Variants in UMAD1 observed in about 807,000 individuals in gnomAD.
UMAD1 encodes the protein UBAP1-MVB12-associated (UMA)-domain containing protein 1.
In UMAD1, 8 loss-of-function variants were observed where a neutral mutation model predicts 6.1. The ratio of observed to expected loss-of-function variants is 1.30; its 90% CI spans 0.76 to 2.35. The LOEUF (loss-of-function observed/expected upper bound fraction) is 2.35. Ranked by LOEUF, UMAD1 falls within the 30% of genes most tolerant of loss-of-function variation. The pLI, the probability that UMAD1 is intolerant of heterozygous loss-of-function variation, is 0.00. For synonymous variants in UMAD1, 56 were observed against 31.4 expected (o/e 1.78, Z -2.61); for missense variants, 130 against 78.4 (o/e 1.66, Z -2.49).
At chr7:7,839,744 G>C (rs1020063878) in intron 3 of UMAD1, among the ~76,000 whole-genome samples, 2 of 152,182 alleles carry the variant, frequency 1.3e-5, no homozygotes, top group Non-Finnish European at 2.9e-5. Context: ...GGGTCAAGTT[G>C]ACAAGTTTAA....
intron 3 of UMAD1, among the ~76,000 whole-genome samples, chr7:7,833,415 G>T (rs1241413743): frequency 6.6e-6 from 1 of 152,076 alleles, no homozygotes; most frequent in African/African-American, 2.4e-5. Context: ...CACCGAGGGG[G>T]ATTCAGAGAT....
intron 1 of UMAD1, among the ~76,000 whole-genome samples, chr7:7,649,694 G>GCC: frequency 6.6e-6 from 1 of 151,280 alleles, no homozygotes; most frequent in African/African-American, 2.4e-5. Flanking sequence ...TGGTGGGGGG[G>GCC]CCCACCCTAC....
chr7:7,780,684 T>C (rs894134024), intron 2 of UMAD1, among the ~76,000 whole-genome samples: 2 of 152,224 alleles, frequency 1.3e-5, no homozygotes, highest in Non-Finnish European at 2.9e-5. Flanking sequence ...TTGTTTTACA[T>C]ATATGAAATG....
intron 2 of UMAD1, among the ~76,000 whole-genome samples, chr7:7,746,843 C>T (rs1441032519): frequency 6.6e-6 from 1 of 152,152 alleles, no homozygotes; most frequent in Non-Finnish European, 1.5e-5. Flanking sequence ...TTGGCTTTGA[C>T]ACAGTTTACA....
intron 2 of UMAD1, among the ~76,000 whole-genome samples, chr7:7,687,490 C>T (rs1167801337): frequency 6.6e-6 from 1 of 152,200 alleles, no homozygotes; most frequent in Non-Finnish European, 1.5e-5. Flanking sequence ...GAATGGTGTG[C>T]ACCCTGCCAG....
chr7:7,694,927 G>A (rs985924909), intron 2 of UMAD1, among the ~76,000 whole-genome samples: 2 of 152,086 alleles, frequency 1.3e-5, no homozygotes, highest in Non-Finnish European at 2.9e-5. Context: ...TGGATCATAC[G>A]GTAGTTCTAT....
intron 3 of UMAD1, among the ~76,000 whole-genome samples, chr7:7,826,857 A>G (rs1248889532): frequency 6.6e-6 from 1 of 152,194 alleles, no homozygotes. Context: ...GTCCACCAAT[A>G]CACAACTACT....
intron 1 of UMAD1, among the ~76,000 whole-genome samples, chr7:7,661,552 C>T (rs1785474412): frequency 6.6e-6 from 1 of 152,174 alleles, no homozygotes; most frequent in African/African-American, 2.4e-5. Context: ...AGTTTTCCTT[C>T]TGACAGGCCC....
intron 3 of UMAD1, among the ~76,000 whole-genome samples, chr7:7,842,548 G>A (rs1040964636): frequency 8.6e-5 from 13 of 151,636 alleles, no homozygotes; most frequent in African/African-American, 3.2e-4. Flanking sequence ...TGTATTTTCT[G>A]ATAACCTGTG....
At chr7:7,744,962 TC>T (rs1238235809) in intron 2 of UMAD1, among the ~76,000 whole-genome samples, 4 of 152,094 alleles carry the variant, frequency 2.6e-5, no homozygotes, top group Non-Finnish European at 4.4e-5. Flanking sequence ...AAGTTTTGAC[TC>T]CCCCAAAGCT....
At chr7:7,677,325 A>T (rs1447144958) in intron 2 of UMAD1, among the ~76,000 whole-genome samples, 1 of 152,154 alleles carries the variant, frequency 6.6e-6, no homozygotes, top group African/African-American at 2.4e-5. Flanking sequence ...CTATTGTGCT[A>T]CCAAATACTA....
In UMAD1 at chr7:7,764,762, G is replaced by T. The variant is rs971583441; in HGVS notation, c.83-36908G>T. ...TATGTGATTCAGTGCATATACTCAA[G>T]AACCATTCTTATGTCTTGGCAAGGT... On this transcript the variant is annotated intron_variant, in intron 2 of 3. Coordinates refer to ENST00000682710, the MANE Select transcript of UMAD1 (RefSeq NM_001302348.2). 3.3e-5 allele frequency among the ~76,000 whole-genome samples: 5 copies of T among 152,296 alleles called. No homozygotes were observed. The South Asian group carries it at 6.2e-4, about 19-fold the overall frequency.
At chr7:7,847,096 AAAAAAAAAATAT>A (rs1353857500) in intron 3 of UMAD1, among the ~76,000 whole-genome samples, 2 of 50,064 alleles carry the variant, frequency 4.0e-5, no homozygotes, top group Non-Finnish European at 6.6e-5. Context: ...GCAAAAAAAA[AAAAAAAAAATAT>A]ATATATATAT....
Position 7,678,343 on chromosome 7 carries a change from T to C in UMAD1, c.82+4890T>C, listed in dbSNP as rs1001328748. ...TGCATTTCTCTGATGATCAACAATA[T>C]TGAACGTTTTTTTAATATGCCTATT... On this transcript the variant is annotated intron_variant, in intron 2 of 3. Transcript: ENST00000682710. Among the ~76,000 whole-genome samples the C allele has an allele frequency of 1.4e-4, 21 of 150,272 alleles. No homozygotes were observed. The South Asian group carries it at 2.7e-3, about 19-fold the overall frequency.
intron 2 of UMAD1, among the ~76,000 whole-genome samples, chr7:7,741,353 C>T (rs972842571): frequency 5.9e-5 from 9 of 151,866 alleles, no homozygotes; most frequent in South Asian, 4.1e-4. Context: ...GGGAGGATCA[C>T]GAGGTCAGGA....
At chr7:7,643,789 TCA>T (rs1193212994) in intron 1 of UMAD1, among the ~76,000 whole-genome samples, 1 of 151,936 alleles carries the variant, frequency 6.6e-6, no homozygotes, top group African/African-American at 2.4e-5. Context: ...TCTTTAACCT[TCA>T]CATTCCCGCT....
In UMAD1 at chr7:7,654,371, T is replaced by C. The variant is rs138632873; in HGVS notation, c.-64+13550T>C. ...TCTAAAATTTTCTTAGGTGAAGTTG[T>C]TAGTTTTCAAGATGACTTTATCATA... On this transcript the variant is annotated intron_variant, in intron 1 of 3. Coordinates refer to ENST00000682710, the MANE Select transcript of UMAD1 (RefSeq NM_001302348.2). Among the ~76,000 whole-genome samples the C allele has an allele frequency of 2.1e-3, 322 of 152,328 alleles. 2 individuals carry two copies. The highest frequency in any genetic ancestry group is 3.3e-3 in the Non-Finnish European group (222 of 68,024).
intron 3 of UMAD1, among the ~76,000 whole-genome samples, chr7:7,860,117 G>A (rs1002888495): frequency 6.6e-6 from 1 of 152,134 alleles, no homozygotes; most frequent in African/African-American, 2.4e-5. Flanking sequence ...GTATTGTAGT[G>A]TAGAGTTCCA....
chr7:7,657,196 T>A (rs1785364377), intron 1 of UMAD1, among the ~76,000 whole-genome samples: 1 of 152,250 alleles, frequency 6.6e-6, no homozygotes, highest in African/African-American at 2.4e-5. Flanking sequence ...AAATTCTTTC[T>A]AGAGTCTGGG....
Sources: gnomAD v4.1 joint callset for allele counts (sites outside exome capture counted in the v4.1 genomes callset) on GRCh38, gnomAD v4.1.1 for gene constraint, MANE v1.5 for transcripts, NCBI Gene and HGNC (gene_info 2026-07-23, HGNC 2026-07-21) for gene names.